FGF14: variants seen among roughly 807,000 people sequenced by gnomAD.
FGF14 encodes fibroblast growth factor 14.
In FGF14, 5 loss-of-function variants were observed where a neutral mutation model predicts 25.5. That is an observed-to-expected ratio of 0.20 (90% CI 0.10 to 0.41). The LOEUF (loss-of-function observed/expected upper bound fraction) is 0.41. Ranked by LOEUF, FGF14 falls within the 10% of genes least tolerant of loss-of-function variation. The pLI, the probability that FGF14 is intolerant of heterozygous loss-of-function variation, is 1.00. For synonymous variants in FGF14, 138 were observed against 118.3 expected (o/e 1.17, Z -1.08); for missense variants, 222 against 320.1 (o/e 0.69, Z 2.34).
chr13:101,854,571 C>T (rs116165311), intron 3 of FGF14, among the ~76,000 whole-genome samples: 5,758 of 152,098 alleles, frequency 0.038, 386 homozygotes, highest in African/African-American at 0.13. Context: ...GAAGATTAAA[C>T]GAAACATAAT....
intron 1 of FGF14, chr13:102,393,627 G>A (rs1008699693): frequency 3.9e-5 from 6 of 152,136 alleles, no homozygotes; most frequent in African/African-American, 1.4e-4. Flanking sequence ...AGGTATCTGG[G>A]GAATATAATG....
chr13:102,240,245 T>C (rs755690501), intron 1 of FGF14, among the ~76,000 whole-genome samples: 1 of 152,206 alleles, frequency 6.6e-6, no homozygotes, highest in Admixed American at 6.5e-5. Context: ...AATATCTCTA[T>C]ATATAGCGAT....
rs565305434 is a variant in FGF14, at chr13:101,785,638, T to A, written c.409-58828A>T. Among the ~76,000 whole-genome samples, 5 of 152,270 alleles carry A rather than the reference T, an allele frequency of 3.3e-5. No homozygotes were observed. In the East Asian group the frequency reaches 9.7e-4, roughly 29 times the overall value. Reference sequence around the variant, plus strand: ...ATTTATCTATTAACTATTATCAATATCTATCTTTAAAGTAGGATACCTTAT... The same window carrying A: ...ATTTATCTATTAACTATTATCAATAACTATCTTTAAAGTAGGATACCTTAT... On this transcript the variant is annotated intron_variant, in intron 3 of 4. Coordinates refer to ENST00000376143, the MANE Select transcript of FGF14 (RefSeq NM_004115.4).
intron 3 of FGF14, among the ~76,000 whole-genome samples, chr13:101,851,680 C>T (rs1327354268): frequency 6.6e-6 from 1 of 152,066 alleles, no homozygotes; most frequent in African/African-American, 2.4e-5. Context: ...TCCTCCTCCT[C>T]GTCGTCTTCA....
At chr13:101,839,105 T>C (rs989598505) in intron 3 of FGF14, among the ~76,000 whole-genome samples, 1 of 152,096 alleles carries the variant, frequency 6.6e-6, no homozygotes, top group Non-Finnish European at 1.5e-5. Flanking sequence ...ATGAAAGATG[T>C]GATAATACAA....
chr13:101,877,163 C>A (rs576669107), intron 1 of FGF14, among the ~76,000 whole-genome samples: 7 of 152,052 alleles, frequency 4.6e-5, no homozygotes, highest in Non-Finnish European at 7.4e-5. Context: ...CACTCACACG[C>A]GCCCTCATGC....
chr13:102,035,906 C>T (rs926908256), intron 1 of FGF14, among the ~76,000 whole-genome samples: 5 of 151,922 alleles, frequency 3.3e-5, no homozygotes, highest in African/African-American at 9.7e-5. Flanking sequence ...GTGTGGAGCA[C>T]ATAAAGGGGA....
chr13:102,330,271 C>T (rs1474682109), intron 1 of FGF14, among the ~76,000 whole-genome samples: 1 of 152,158 alleles, frequency 6.6e-6, no homozygotes, highest in Non-Finnish European at 1.5e-5. Context: ...CATCTCTTCA[C>T]CTACCAGCAT....
intron 1 of FGF14, among the ~76,000 whole-genome samples, chr13:102,093,704 G>T (rs1402814511): frequency 6.6e-6 from 1 of 151,758 alleles, no homozygotes; most frequent in African/African-American, 2.4e-5. Context: ...GCAGAGAAAA[G>T]TCATGACATT....
At chr13:101,988,977 T>G (rs530136036) in intron 1 of FGF14, among the ~76,000 whole-genome samples, 5 of 152,202 alleles carry the variant, frequency 3.3e-5, no homozygotes, top group African/African-American at 1.2e-4. Flanking sequence ...CAAACATAAT[T>G]GCTTTTAAGG....
At chr13:102,354,925 T>C (rs761447133) in intron 1 of FGF14, among the ~76,000 whole-genome samples, 1 of 152,206 alleles carries the variant, frequency 6.6e-6, no homozygotes, top group Non-Finnish European at 1.5e-5. Context: ...TTGTAAAAAC[T>C]TCCTTGACCT....
chr13:102,173,924 C>T (rs1449995325), intron 1 of FGF14, among the ~76,000 whole-genome samples: 1 of 151,990 alleles, frequency 6.6e-6, no homozygotes, highest in Non-Finnish European at 1.5e-5. Flanking sequence ...CAGTATAGTA[C>T]TGAAAGTCCT....
chr13:102,282,106 G>A (rs1183785775), intron 1 of FGF14, among the ~76,000 whole-genome samples: 1 of 140,796 alleles, frequency 7.1e-6, no homozygotes. Flanking sequence ...TGCTCTTGTT[G>A]CCCAGGCTGG....
intron 1 of FGF14, among the ~76,000 whole-genome samples, chr13:101,952,884 A>C (rs1291677775): frequency 6.6e-6 from 1 of 152,186 alleles, no homozygotes; most frequent in Non-Finnish European, 1.5e-5. Context: ...TACAAAAAAA[A>C]TTAGCTGGGC....
chr13:101,944,260 T>C (rs2035666006), intron 1 of FGF14, among the ~76,000 whole-genome samples: 8 of 152,170 alleles, frequency 5.3e-5, no homozygotes, highest in Admixed American at 5.2e-4. Context: ...TCCTCAGGAT[T>C]AAATGAAGTA....
chr13:102,326,781 AAG>A (rs915994494), intron 1 of FGF14, among the ~76,000 whole-genome samples: 1 of 150,834 alleles, frequency 6.6e-6, no homozygotes, highest in Non-Finnish European at 1.5e-5. Context: ...GAAGAAAAAA[AAG>A]GAAGGAAGGA....
At chr13:101,836,914 A>G (rs2042951919) in intron 3 of FGF14, among the ~76,000 whole-genome samples, 1 of 152,092 alleles carries the variant, frequency 6.6e-6, no homozygotes, top group African/African-American at 2.4e-5. Flanking sequence ...GTTCATGTTT[A>G]TAGAGCTCAT....
At chr13:102,312,972 C>T (rs2055846356) in intron 1 of FGF14, among the ~76,000 whole-genome samples, 1 of 152,140 alleles carries the variant, frequency 6.6e-6, no homozygotes, top group African/African-American at 2.4e-5. Context: ...GAGACACAAC[C>T]CTGACAAAAG....
chr13:102,172,333 T>C (rs1463620454), intron 1 of FGF14, among the ~76,000 whole-genome samples: 1 of 152,062 alleles, frequency 6.6e-6, no homozygotes, highest in Admixed American at 6.6e-5. Flanking sequence ...ATGCCAATGA[T>C]GACAAACCCT....
Sources: gnomAD v4.1 joint callset for allele counts (sites outside exome capture counted in the v4.1 genomes callset) on GRCh38, gnomAD v4.1.1 for gene constraint, MANE v1.5 for transcripts, NCBI Gene and HGNC (gene_info 2026-07-23, HGNC 2026-07-21) for gene names.